Variants in CRTAC1 observed in about 807,000 individuals in gnomAD.
CRTAC1 encodes cartilage acidic protein 1, also known as acidic secreted protein in cartilage.
A neutral mutation model predicts 67.8 loss-of-function variants in CRTAC1; 37 were observed. That is an observed-to-expected ratio of 0.55 (90% CI 0.42 to 0.72). The LOEUF (loss-of-function observed/expected upper bound fraction) is 0.72, where lower values mean the gene tolerates loss of function less well. CRTAC1 is among the 30% of genes least tolerant of loss of function. CRTAC1 has a pLI of 0.00. For synonymous variants in CRTAC1, 348 were observed against 371.0 expected, an observed-to-expected ratio of 0.94 and a Z score of 0.71; for missense variants, 780 against 931.6, an observed-to-expected ratio of 0.84 and a Z score of 2.12.
rs139212577 is a variant in CRTAC1, at chr10:97,888,630, C to T, written c.1487-4279G>A. Among the ~76,000 whole-genome samples, 462 of 152,274 alleles carry T rather than the reference C, an allele frequency of 3.0e-3. 7 individuals are homozygous for T. In the South Asian group the frequency reaches 0.045, roughly 15 times the overall value. On this transcript the variant is annotated intron_variant, in intron 11 of 14. Coordinates refer to ENST00000370597, the MANE Select transcript of CRTAC1 (RefSeq NM_018058.7). ...CTAGGACTGGAAACCAGTCTCCTGT[C>T]CTTAGGCGCAGCTCATCCCTCTGCC...
At chr10:97,972,988 G>A (rs760259513) in intron 2 of CRTAC1, among the ~76,000 whole-genome samples, 3 of 151,974 alleles carry the variant, frequency 2.0e-5, no homozygotes, top group Non-Finnish European at 4.4e-5. Context: ...TTGTGCATTT[G>A]CAGAGGCACA....
At chr10:97,930,262 A>G (rs888893879) in intron 3 of CRTAC1, among the ~76,000 whole-genome samples, 13 of 152,184 alleles carry the variant, frequency 8.5e-5, no homozygotes, top group Admixed American at 7.9e-4. Flanking sequence ...CCCAGTTCCT[A>G]AGGAAGCTTG....
intron 3 of CRTAC1, among the ~76,000 whole-genome samples, chr10:97,927,340 T>C (rs931113610): frequency 1.3e-5 from 2 of 152,218 alleles, no homozygotes; most frequent in Non-Finnish European, 2.9e-5. Context: ...CTCTTGGAGA[T>C]TCCCCCTGGA....
chr10:97,923,685 A>C (rs185704425), intron 3 of CRTAC1, among the ~76,000 whole-genome samples: 151 of 152,254 alleles, frequency 9.9e-4, no homozygotes, highest in Admixed American at 2.4e-3. Flanking sequence ...GATGACCCTC[A>C]GCAGCTGGAT....
intron 3 of CRTAC1, among the ~76,000 whole-genome samples, chr10:97,930,194 CT>C (rs2050983347): frequency 6.6e-6 from 1 of 152,226 alleles, no homozygotes; most frequent in African/African-American, 2.4e-5. Flanking sequence ...GGTGGTCTGT[CT>C]GTTGCAGATC....
chr10:97,974,975 C>A (rs1187652036), intron 2 of CRTAC1, among the ~76,000 whole-genome samples: 1 of 151,618 alleles, frequency 6.6e-6, no homozygotes, highest in South Asian at 2.1e-4. Flanking sequence ...GAGAAGGGAG[C>A]GGGCAGTGGG....
At chr10:97,984,741 T>A (rs1473701068) in intron 2 of CRTAC1, among the ~76,000 whole-genome samples, 2 of 152,168 alleles carry the variant, frequency 1.3e-5, no homozygotes, top group Non-Finnish European at 2.9e-5. Flanking sequence ...TTTGGGCACG[T>A]GATGCTCAGT....
chr10:97,956,286 T>A (rs57414518), intron 2 of CRTAC1, among the ~76,000 whole-genome samples: 1,969 of 152,350 alleles, frequency 0.013, 48 homozygotes, highest in African/African-American at 0.044. Flanking sequence ...CATGTTCTCA[T>A]GTTCTCCCAA....
At chr10:97,908,240 A>G in intron 5 of CRTAC1, 93 bp from the exon 6 acceptor site, 1 of 1,386,456 alleles carries the variant, frequency 7.2e-7, no homozygotes, top group Non-Finnish European at 1.0e-6. Flanking sequence ...GGGGAACTGC[A>G]GCAGAGGCTC....
At chr10:97,922,579 C>T (rs553423491) in intron 4 of CRTAC1, among the ~76,000 whole-genome samples, 125 of 152,308 alleles carry the variant, frequency 8.2e-4, no homozygotes, top group African/African-American at 2.7e-3. Context: ...CTGGCTCTGG[C>T]GAGGCCTGCT....
At chr10:97,932,180 T>A (rs986360362) in intron 3 of CRTAC1, among the ~76,000 whole-genome samples, 38 of 152,134 alleles carry the variant, frequency 2.5e-4, no homozygotes, top group African/African-American at 8.0e-4. Context: ...CCACGGTTTC[T>A]CTTTCCCACA....
At chr10:97,929,005 A>G (rs2050962499) in intron 3 of CRTAC1, among the ~76,000 whole-genome samples, 1 of 152,070 alleles carries the variant, frequency 6.6e-6, no homozygotes, top group South Asian at 2.1e-4. Context: ...GCGAGTGGCC[A>G]CTATTTTAGG....
intron 4 of CRTAC1, among the ~76,000 whole-genome samples, chr10:97,920,037 C>G (rs1235218601): frequency 6.6e-6 from 1 of 152,060 alleles, no homozygotes; most frequent in Non-Finnish European, 1.5e-5. Context: ...GTTTGAGCCA[C>G]CACACCTGGC....
chr10:97,917,115 C>CTTA, intron 5 of CRTAC1, among the ~76,000 whole-genome samples: 1 of 152,222 alleles, frequency 6.6e-6, no homozygotes, highest in African/African-American at 2.4e-5. Context: ...ATAAAGAATG[C>CTTA]TTTAAATCTC....
chr10:97,884,406 C>T (rs566992444), intron 11 of CRTAC1, 55 bp from the exon 12 acceptor site: 157 of 1,477,626 alleles, frequency 1.1e-4, no homozygotes, highest in South Asian at 6.5e-4. Flanking sequence ...AGGCTCTCAG[C>T]GGAAGCATCA....
intron 2 of CRTAC1, among the ~76,000 whole-genome samples, chr10:97,938,583 C>T (rs1033965084): frequency 2.6e-5 from 4 of 152,184 alleles, no homozygotes; most frequent in African/African-American, 9.6e-5. Context: ...GCCTATGATG[C>T]CAGCACTCTC....
chr10:97,878,581 C>T, intron 14 of CRTAC1: 1 of 1,296,244 alleles, frequency 7.7e-7, no homozygotes, highest in Non-Finnish European at 1.0e-6. Context: ...ACTACTGAGG[C>T]TGGTCGTGAG....
intron 14 of CRTAC1, chr10:97,869,088 C>T (rs1038249388): frequency 6.6e-6 from 1 of 152,258 alleles, no homozygotes; most frequent in Non-Finnish European, 1.5e-5. Flanking sequence ...GAAGACAGAT[C>T]CAGCCTCAGA....
At chr10:97,904,360 C>A (rs1431961228) in intron 7 of CRTAC1, among the ~76,000 whole-genome samples, 1 of 152,144 alleles carries the variant, frequency 6.6e-6, no homozygotes, top group African/African-American at 2.4e-5. Context: ...TGCCGGGGCA[C>A]CCCTGCAGTG....
Sources: allele counts gnomAD v4.1 joint callset (sites outside exome capture counted in the v4.1 genomes callset), GRCh38; gene constraint gnomAD v4.1.1; transcripts MANE v1.5; gene names NCBI Gene and HGNC (gene_info 2026-07-23, HGNC 2026-07-21).